The following LHX4 variants were observed in gnomAD, a reference collection of about 807,000 sequenced individuals.
LHX4 encodes the protein LIM homeobox 4, also known as LIM/homeobox protein Lhx4.
In LHX4, 16 loss-of-function variants were observed where a neutral mutation model predicts 39.2. The ratio of observed to expected loss-of-function variants is 0.41; its 90% CI spans 0.28 to 0.62. LHX4 has a LOEUF of 0.62. Ranked by LOEUF, LHX4 falls within the 20% of genes least tolerant of loss-of-function variation. The pLI is 0.33. For missense variants in LHX4, 439 were observed against 511.9 expected, an observed-to-expected ratio of 0.86 and a Z score of 1.37; for synonymous variants, 206 against 198.1, an observed-to-expected ratio of 1.04 and a Z score of -0.33.
rs1225794230 is a variant in LHX4, at chr1:180,274,755, C to T, written c.*176C>T. 1.8e-5 allele frequency: 13 copies of T among 725,664 alleles called. No homozygotes were observed. Among genetic ancestry groups the T allele is most frequent in the Non-Finnish European group, 2.9e-5 (13 of 455,780 alleles). 45.0% of individuals were successfully genotyped at this position (725,664 alleles called of 1,614,324 possible). A position where few individuals can be genotyped will look rare whatever the true frequency, so the allele number is the denominator to read the frequency against. ...GAGACCACACTAGGGCATTGTTTCC[C>T]TGGGGAAGCAGTGGGAGAGCAGACT... On this transcript the variant is annotated 3_prime_UTR_variant, in exon 6 of 6. Transcript: ENST00000263726.
chr1:180,258,620 G>T (rs760629833), intron 2 of LHX4, among the ~76,000 whole-genome samples: 1 of 152,118 alleles, frequency 6.6e-6, no homozygotes, highest in Admixed American at 6.5e-5. Context: ...GTGTGGGTGT[G>T]AGAAGTGGTC....
At chr1:180,246,729 CA>C (rs951640749) in intron 1 of LHX4, among the ~76,000 whole-genome samples, 2 of 151,744 alleles carry the variant, frequency 1.3e-5, no homozygotes, top group Non-Finnish European at 2.9e-5. Context: ...ACAAAACAAA[CA>C]AAAAAAACCC....
At chr1:180,257,222 C>T (rs914957769) in intron 2 of LHX4, among the ~76,000 whole-genome samples, 13 of 152,236 alleles carry the variant, frequency 8.5e-5, no homozygotes, top group African/African-American at 2.9e-4. Flanking sequence ...TCTCTGGGCC[C>T]CCATTTCCTC....
chr1:180,271,241 T>C, intron 3 of LHX4, 139 bp from the exon 4 acceptor site: 1 of 928,672 alleles, frequency 1.1e-6, no homozygotes, highest in Non-Finnish European at 1.8e-6. Flanking sequence ...ACCTCTCCAC[T>C]CTGATGTCCC....
chr1:180,240,754 C>A (rs989262519), intron 1 of LHX4, among the ~76,000 whole-genome samples: 26 of 152,230 alleles, frequency 1.7e-4, no homozygotes, highest in African/African-American at 6.3e-4. Context: ...CACATCAGAC[C>A]TTTTGATCTC....
chr1:180,276,634 A>G lies in LHX4; in HGVS notation c.*2055A>G, dbSNP rs990474924. ...GAAAATGCAGTCGTCTTTTTGGAGG[A>G]TGGCTTTTTAAATACACCCTTCTTA... On this transcript the variant is annotated 3_prime_UTR_variant, in exon 6 of 6. Coordinates refer to ENST00000263726, the MANE Select transcript of LHX4 (RefSeq NM_033343.4). The G allele has an allele frequency of 2.0e-5, 3 of 152,202 alleles. No individual in the cohort carries two copies. The highest frequency in any genetic ancestry group is 2.0e-4 in the Admixed American group (3 of 15,288). The allele number at this position is 152,202 out of a possible 1,614,324, so 9.4% of individuals were successfully genotyped here.
chr1:180,244,134 C>A (rs1328212921), intron 1 of LHX4, among the ~76,000 whole-genome samples: 1 of 152,188 alleles, frequency 6.6e-6, no homozygotes, highest in African/African-American at 2.4e-5. Context: ...CAAGCCCTGA[C>A]GTGGCTCATA....
rs1558207242 is a variant in LHX4, at chr1:180,234,209, ATATATATATAT to A, written c.76+3605_76+3615del. On this transcript the variant is annotated intron_variant, in intron 1 of 5. Transcript: ENST00000263726. The surrounding 1 kb of genome is among the most constrained non-coding windows in gnomAD (Gnocchi z 4.8). ...TATATATATATATATATATATATAT[ATATATATATAT>A]AATAGATTGAGATTCTATCATATTC... Among the ~76,000 whole-genome samples the A allele has an allele frequency of 0.015, 940 of 63,324 alleles. 17 individuals carry two copies. The highest frequency in any genetic ancestry group is 0.02 in the Non-Finnish European group (679 of 33,742). The allele number at this position is 63,324 out of a possible 152,430, so 41.5% of individuals were successfully genotyped here. A position where few individuals can be genotyped will look rare whatever the true frequency, so the allele number is the denominator to read the frequency against.
intron 1 of LHX4, among the ~76,000 whole-genome samples, chr1:180,231,987 G>A (rs931434302): frequency 7.2e-5 from 11 of 152,216 alleles, no homozygotes; most frequent in African/African-American, 2.4e-4. Flanking sequence ...CGTGTCAACT[G>A]CCGGCAATCA....
intron 2 of LHX4, among the ~76,000 whole-genome samples, chr1:180,252,636 C>T (rs1647678196): frequency 6.6e-6 from 1 of 152,136 alleles, no homozygotes; most frequent in South Asian, 2.1e-4. Flanking sequence ...TGCACAACTC[C>T]AGGGGGCATC....
chr1:180,232,861 C>T lies in LHX4; in HGVS notation c.76+2256C>T, dbSNP rs1422003336. 6.6e-6 allele frequency among the ~76,000 whole-genome samples: 1 copy of T among 152,194 alleles called. No homozygotes were observed. The highest frequency in any genetic ancestry group is 1.5e-5 in the Non-Finnish European group (1 of 68,030). On this transcript the variant is annotated intron_variant, in intron 1 of 5. Transcript: ENST00000263726. This position sits in a 1 kb window ranked among gnomAD's most constrained non-coding sequence, Gnocchi z 5.4. ...AAGCTCGAGGGGTTGTGGGGCACAC[C>T]CTTGGGCCTTCCGGGACAGTAGGCT...
At chr1:180,260,732 C>T in intron 2 of LHX4, among the ~76,000 whole-genome samples, 1 of 151,804 alleles carries the variant, frequency 6.6e-6, no homozygotes, top group East Asian at 1.9e-4. Flanking sequence ...GGCTGGGAGC[C>T]TCATGCAGGG....
chr1:180,260,887 C>T (rs895151326), intron 2 of LHX4, among the ~76,000 whole-genome samples: 3 of 151,956 alleles, frequency 2.0e-5, no homozygotes, highest in East Asian at 3.9e-4. Flanking sequence ...CCGGTTCTCT[C>T]GCTCGTTGCC....
chr1:180,273,990 CTTG>C, intron 5 of LHX4, 192 bp from the exon 6 acceptor site: 1 of 626,568 alleles, frequency 1.6e-6, no homozygotes. Context: ...GCAGGTGTTT[CTTG>C]TTTTTCTCCT....
rs779436909 is a variant in LHX4, at chr1:180,274,415, A to C, written c.1009A>C (p.Asn337His). The C allele has an allele frequency of 1.2e-5, 19 of 1,614,164 alleles. No individual in the cohort carries two copies. Among genetic ancestry groups the C allele is most frequent in the Non-Finnish European group, 1.4e-5 (17 of 1,180,022 alleles). Residue 337 changes from asparagine (N) to histidine (H), a missense_variant, in exon 6 of 6, where the codon AAT becomes CAT. Asn to His is a moderately conservative substitution (Grantham distance 68). Transcript: ENST00000263726. ...TGGGCTGGATTACACGGTGGACAGT[A>C]ATTTGGGCATCATTGCGCATGCAGG... ...LNGLDYTVDS[N>H]LGIIAHAGQG... is the part of the protein sequence containing the mutation.
chr1:180,264,407 ACACAC>A (rs1303514650), intron 2 of LHX4, among the ~76,000 whole-genome samples: 2 of 151,484 alleles, frequency 1.3e-5, no homozygotes, highest in Non-Finnish European at 2.9e-5. Context: ...ACACACACAC[ACACAC>A]AGTAGAGGTG....
intron 1 of LHX4, among the ~76,000 whole-genome samples, chr1:180,241,752 T>C (rs1201234104): frequency 6.6e-6 from 1 of 152,188 alleles, no homozygotes; most frequent in Non-Finnish European, 1.5e-5. Flanking sequence ...CAGAAAACTT[T>C]CAAATTCTCC....
At chr1:180,260,868 C>T (rs1035496397) in intron 2 of LHX4, among the ~76,000 whole-genome samples, 1 of 151,826 alleles carries the variant, frequency 6.6e-6, no homozygotes, top group Non-Finnish European at 1.5e-5. Context: ...GAAGCACCGA[C>T]TGCAAACCCC....
chr1:180,253,664 A>G (rs1647722901), intron 2 of LHX4, among the ~76,000 whole-genome samples: 1 of 152,216 alleles, frequency 6.6e-6, no homozygotes, highest in South Asian at 2.1e-4. Context: ...AGCTCACGCT[A>G]ACCCACCGAG....
Sources: allele counts gnomAD v4.1 joint callset (sites outside exome capture counted in the v4.1 genomes callset), GRCh38; gene constraint gnomAD v4.1.1; non-coding constraint Gnocchi (gnomAD v3.1); transcripts MANE v1.5; gene names NCBI Gene and HGNC (gene_info 2026-07-23, HGNC 2026-07-21).